Variants in CBLN1 observed in about 807,000 individuals in gnomAD.
CBLN1 encodes cerebellin 1 precursor, also known as cerebellin-1.
In CBLN1, 5 loss-of-function variants were observed where a neutral mutation model predicts 15.9. The ratio of observed to expected loss-of-function variants is 0.31; its 90% CI spans 0.16 to 0.66. The LOEUF (loss-of-function observed/expected upper bound fraction) is 0.66, where lower values mean the gene tolerates loss of function less well. Ranked by LOEUF, CBLN1 falls within the 30% of genes least tolerant of loss-of-function variation. CBLN1 has a pLI of 0.75. For synonymous variants in CBLN1, 90 were observed against 107.6 expected (o/e 0.84, Z 1.01); for missense variants, 164 against 253.7 (o/e 0.65, Z 2.40).
At chr16:49,280,376 C>A (rs1387440025) in intron 2 of CBLN1, among the ~76,000 whole-genome samples, 1 of 152,178 alleles carries the variant, frequency 6.6e-6, no homozygotes, top group African/African-American at 2.4e-5. Context: ...TAGCACTACG[C>A]CCCCTCCCTC....
chr16:49,280,161 C>T (rs1455053206), intron 2 of CBLN1, among the ~76,000 whole-genome samples: 3 of 152,214 alleles, frequency 2.0e-5, no homozygotes, highest in Non-Finnish European at 4.4e-5. Context: ...CCTCCCCAAA[C>T]CACGGGCTCA....
intron 2 of CBLN1, 107 bp downstream of exon 2, chr16:49,280,816 A>G: frequency 1.6e-6 from 2 of 1,269,298 alleles, no homozygotes; most frequent in Non-Finnish European, 1.1e-6. Flanking sequence ...AGCAGCCCGA[A>G]GTACATGCAG....
chr16:49,281,253 G>A lies in CBLN1; in HGVS notation c.213C>T (p.Asn71=), dbSNP rs150356343. ...GATTACTCATCTCGGACGGCTCGTGGTTGGTGCTCCTGATGGCAGAGAAAG... is the reference window on the plus strand; with the variant it reads ...GATTACTCATCTCGGACGGCTCGTGATTGGTGCTCCTGATGGCAGAGAAAG... The part of the protein sequence containing the change: ...KVAFSAIRST[N]HEPSEMSNRT... The change falls in exon 1 of 3, where the codon AAC becomes AAT. Residue 71 remains asparagine (N), a synonymous_variant. Coordinates refer to ENST00000219197, the MANE Select transcript of CBLN1 (RefSeq NM_004352.4). The A allele has an allele frequency of 1.1e-5, 17 of 1,613,966 alleles. No individual in the cohort carries two copies. The highest frequency in any genetic ancestry group is 1.4e-5 in the Non-Finnish European group (17 of 1,180,050).
intron 2 of CBLN1, among the ~76,000 whole-genome samples, chr16:49,280,228 A>C (rs1963247218): frequency 6.6e-6 from 1 of 152,018 alleles, no homozygotes; most frequent in Non-Finnish European, 1.5e-5. Context: ...CTGTGGTGGC[A>C]CCGTCAGCCA....
rs1464696228 is a variant in CBLN1 at position 49,278,271 on chromosome 16, G to A, written c.*1133C>T. 6.6e-6 allele frequency: 1 copy of A among 152,316 alleles called. No homozygotes were observed. Among genetic ancestry groups the A allele is most frequent in the Non-Finnish European group, 1.5e-5 (1 of 68,094 alleles). 9.4% of individuals were successfully genotyped at this position (152,316 alleles called of 1,614,324 possible). A position where few individuals can be genotyped will look rare whatever the true frequency, so the allele number is the denominator to read the frequency against. On this transcript the variant is annotated 3_prime_UTR_variant, in exon 3 of 3. Coordinates refer to ENST00000219197, the MANE Select transcript of CBLN1 (RefSeq NM_004352.4). ...GCTCCTGGGCCGGCGGCCGCGCCTGGCCTAGCAAGATTTCGGCCACATTTC... is the reference window on the plus strand; with the variant it reads ...GCTCCTGGGCCGGCGGCCGCGCCTGACCTAGCAAGATTTCGGCCACATTTC...
At chr16:49,281,158 T>C (rs1472637514) in intron 1 of CBLN1, 44 bp downstream of exon 1, 2 of 1,614,082 alleles carry the variant, frequency 1.2e-6, no homozygotes, top group Admixed American at 3.3e-5. Context: ...CCATCCCTCC[T>C]TCACCAGCCC....
rs539174314 is a variant in CBLN1, at chr16:49,280,860, G to A, written c.384+63C>T. 52 of 1,601,554 alleles carry A rather than the reference G, an allele frequency of 3.2e-5. No homozygotes were observed. The East Asian group carries it at 1.1e-3, about 34-fold the overall frequency. ...TCTGCCTACCACCTCCGGACAGCCC[G>A]AGCACCCCTGAGGCCAGTAACCCCC... On this transcript the variant is annotated intron_variant, in intron 2 of 2. Coordinates refer to ENST00000219197, the MANE Select transcript of CBLN1 (RefSeq NM_004352.4).
At position 49,281,811 on chromosome 16, in the gene CBLN1, G is replaced by T; in HGVS notation, c.-346C>A. ...GCCGCCGCTCTGAATTATTGATGCAGCCGGCGCTGCAGCCGGAGCGGGCGG... is the reference window on the plus strand; with the variant it reads ...GCCGCCGCTCTGAATTATTGATGCATCCGGCGCTGCAGCCGGAGCGGGCGG... On this transcript the variant is annotated 5_prime_UTR_variant, in exon 1 of 3. It adds an upstream start codon to the 5' untranslated region. Transcript: ENST00000219197. 4.4e-6 allele frequency: 1 copy of T among 227,004 alleles called. No homozygotes were observed. Among genetic ancestry groups the T allele is most frequent in the Non-Finnish European group, 8.6e-6 (1 of 116,610 alleles). The allele number at this position is 227,004 out of a possible 1,614,324, so 14.1% of individuals were successfully genotyped here. A position where few individuals can be genotyped will look rare whatever the true frequency, so the allele number is the denominator to read the frequency against.
rs1245272024 is a variant in CBLN1 at position 49,281,741 on chromosome 16, C to CGCT, written c.-279_-277dup. The CGCT allele has an allele frequency of 6.3e-3, 2,200 of 348,470 alleles. 18 individuals are homozygous for CGCT. Among genetic ancestry groups the CGCT allele is most frequent in the South Asian group, 0.011 (85 of 7,798 alleles). The allele number at this position is 348,470 out of a possible 1,614,324, so 21.6% of individuals were successfully genotyped here. On this transcript the variant is annotated 5_prime_UTR_variant, in exon 1 of 3. Transcript: ENST00000219197. Reference sequence around the variant, plus strand: ...ATGCATAGCCGCTGCTGCTCGGTCCCGCTGCTGCCGCCGCCTCCTGCCCGC... The same window carrying CGCT: ...ATGCATAGCCGCTGCTGCTCGGTCCCGCTGCTGCTGCCGCCGCCTCCTGCCCGC...
At chr16:49,280,704 C>A (rs899169718) in intron 2 of CBLN1, among the ~76,000 whole-genome samples, 1 of 152,168 alleles carries the variant, frequency 6.6e-6, no homozygotes, top group Admixed American at 6.5e-5. Context: ...GCAGAAAATT[C>A]TGTCTCTCGG....
Position 49,281,059 on chromosome 16 carries a change from A to C in CBLN1, c.265-17T>G. On this transcript the variant is annotated splice_polypyrimidine_tract_variant and intron_variant, in intron 1 of 2. Coordinates refer to ENST00000219197, the MANE Select transcript of CBLN1 (RefSeq NM_004352.4). ...CACTAGTACCTATAACGAGACGGGA[A>C]CGAAGGGGAGTGGGCAGGAATCGGT... 1 of 1,614,224 alleles carries C rather than the reference A, an allele frequency of 6.2e-7. No homozygotes were observed. Among genetic ancestry groups the C allele is most frequent in the Non-Finnish European group, 8.5e-7 (1 of 1,180,026 alleles).
In CBLN1 at chr16:49,281,382, G is replaced by A; in HGVS notation, c.84C>T (p.Ile28=). 1.9e-6 allele frequency: 3 copies of A among 1,607,916 alleles called. No homozygotes were observed. The highest frequency in any genetic ancestry group is 1.3e-5 in the African/African-American group (1 of 75,028). ...PARGQNETEP[I]VLEGKCLVVC... is the part of the protein sequence containing the mutation. ...CCACCAGGCACTTGCCCTCCAGCAC[G>A]ATGGGCTCCGTCTCATTCTGCCCGC... Residue 28 remains isoleucine (I), a synonymous_variant, in exon 1 of 3, where the codon ATC becomes ATT. Transcript: ENST00000219197.
rs927967492 is a variant in CBLN1 at position 49,281,520 on chromosome 16, C to A, written c.-55G>T. ...CCCCCAGGGCTGCTCGCGCCAGCCGCCCCCCCCGTCCCAGTCCCGCTCCGA... is the reference window on the plus strand; with the variant it reads ...CCCCCAGGGCTGCTCGCGCCAGCCGACCCCCCCGTCCCAGTCCCGCTCCGA... On this transcript the variant is annotated 5_prime_UTR_variant, in exon 1 of 3. Coordinates refer to ENST00000219197, the MANE Select transcript of CBLN1 (RefSeq NM_004352.4). 1.2e-4 allele frequency: 140 copies of A among 1,155,930 alleles called. 2 individuals are homozygous for A. In the African/African-American group the frequency reaches 2.0e-3, roughly 17 times the overall value. 71.6% of individuals were successfully genotyped at this position (1,155,930 alleles called of 1,614,324 possible). A position where few individuals can be genotyped will look rare whatever the true frequency, so the allele number is the denominator to read the frequency against.
intron 1 of CBLN1, 42 bp downstream of exon 1, chr16:49,281,160 C>T (rs1334315975): frequency 6.2e-7 from 1 of 1,614,142 alleles, no homozygotes; most frequent in Non-Finnish European, 8.5e-7. Flanking sequence ...ATCCCTCCTT[C>T]ACCAGCCCAA....
chr16:49,280,230 C>A (rs188567715), intron 2 of CBLN1, among the ~76,000 whole-genome samples: 45 of 152,270 alleles, frequency 3.0e-4, no homozygotes, highest in African/African-American at 9.6e-4. Context: ...GTGGTGGCAC[C>A]GTCAGCCAAG....
chr16:49,281,364 G>A lies in CBLN1; in HGVS notation c.102C>T (p.Cys34=), dbSNP rs772239005. The A allele has an allele frequency of 8.1e-6, 13 of 1,610,440 alleles. No individual in the cohort carries two copies. The South Asian group carries it at 1.2e-4, about 15-fold the overall frequency. The change falls in exon 1 of 3, where the codon TGC becomes TGT. Residue 34 remains cysteine (C), a synonymous_variant. Transcript: ENST00000219197. ...TGGGGTTGGAGTCGCACACCACCAG[G>A]CACTTGCCCTCCAGCACGATGGGCT... is the stretch of plus-strand genomic sequence containing the variant. ...ETEPIVLEGK[C]LVVCDSNPTS...
chr16:49,281,485 C>T lies in CBLN1; in HGVS notation c.-20G>A. 1 of 1,170,880 alleles carries T rather than the reference C, an allele frequency of 8.5e-7. No individual in the cohort carries two copies. Among genetic ancestry groups the T allele is most frequent in the Non-Finnish European group, 1.1e-6 (1 of 883,150 alleles). The allele number at this position is 1,170,880 out of a possible 1,614,324, so 72.5% of individuals were successfully genotyped here. ...CAGCATCGCGCCGCCGGCGCCCACC[C>T]CGCCCCCCACCCCCAGGGCTGCTCG... On this transcript the variant is annotated 5_prime_UTR_variant, in exon 1 of 3. Coordinates refer to ENST00000219197, the MANE Select transcript of CBLN1 (RefSeq NM_004352.4).
rs974447039 is a variant in CBLN1, at chr16:49,278,284, T to G, written c.*1120A>C. 2.6e-5 allele frequency: 4 copies of G among 152,294 alleles called. No individual in the cohort carries two copies. Among genetic ancestry groups the G allele is most frequent in the African/African-American group, 4.8e-5 (2 of 41,472 alleles). 9.4% of individuals were successfully genotyped at this position (152,294 alleles called of 1,614,324 possible). ...CGGCCGCGCCTGGCCTAGCAAGATT[T>G]CGGCCACATTTCTTACGTTTCCGCC... is the stretch of plus-strand genomic sequence containing the variant. On this transcript the variant is annotated 3_prime_UTR_variant, in exon 3 of 3. Coordinates refer to ENST00000219197, the MANE Select transcript of CBLN1 (RefSeq NM_004352.4).
In CBLN1 at chr16:49,279,403, G is replaced by T; in HGVS notation, c.*1C>A. ...CTGCCTCCCTTCCGGCTACGAGCCA[G>T]TCAGAGAGGAAACACCAGGAATCCG... On this transcript the variant is annotated 3_prime_UTR_variant, in exon 3 of 3. Transcript: ENST00000219197. 3 of 1,614,094 alleles carry T rather than the reference G, an allele frequency of 1.9e-6. No homozygotes were observed. The highest frequency in any genetic ancestry group is 2.5e-6 in the Non-Finnish European group (3 of 1,179,952).
Sources: gnomAD v4.1 joint callset for allele counts (sites outside exome capture counted in the v4.1 genomes callset) on GRCh38, gnomAD v4.1.1 for gene constraint, MANE v1.5 for transcripts, NCBI Gene and HGNC (gene_info 2026-07-23, HGNC 2026-07-21) for gene names.